The following EXOC6 variants were observed in gnomAD, a reference collection of about 807,000 sequenced individuals.
EXOC6 encodes the protein exocyst complex component 6, also known as SEC15-like 1.
In EXOC6, 60 loss-of-function variants were observed where a neutral mutation model predicts 112.5. That is an observed-to-expected ratio of 0.53 (90% CI 0.43 to 0.66). EXOC6 has a LOEUF of 0.66. EXOC6 is among the 30% of genes least tolerant of loss of function. The pLI, the probability that EXOC6 is intolerant of heterozygous loss-of-function variation, is 0.00. For missense variants in EXOC6, 855 were observed against 957.1 expected, an observed-to-expected ratio of 0.89 and a Z score of 1.41; for synonymous variants, 295 against 308.0, an observed-to-expected ratio of 0.96 and a Z score of 0.44.
At chr10:92,889,746 T>C (rs1849403341) in intron 1 of EXOC6, among the ~76,000 whole-genome samples, 1 of 152,140 alleles carries the variant, frequency 6.6e-6, no homozygotes, top group South Asian at 2.1e-4. Flanking sequence ...TGTTCTTTTT[T>C]TTTTTCTTTC....
At chr10:92,828,397 G>A (rs972232253) in intron 1 of EXOC6, among the ~76,000 whole-genome samples, 2 of 152,132 alleles carry the variant, frequency 1.3e-5, no homozygotes, top group Non-Finnish European at 2.9e-5. Flanking sequence ...GCAGTGGTGC[G>A]ATCTTGGCTC....
chr10:92,911,624 G>A (rs1197148553), intron 6 of EXOC6, among the ~76,000 whole-genome samples: 1 of 152,112 alleles, frequency 6.6e-6, no homozygotes, highest in Non-Finnish European at 1.5e-5. Flanking sequence ...GGAGAGAATA[G>A]ACTCTCTTGG....
intron 20 of EXOC6, among the ~76,000 whole-genome samples, chr10:93,040,327 C>G (rs1274053868): frequency 1.3e-5 from 2 of 152,186 alleles, no homozygotes; most frequent in Non-Finnish European, 2.9e-5. Flanking sequence ...CGGCTCACTG[C>G]AAGCTCCGCC....
intron 19 of EXOC6, among the ~76,000 whole-genome samples, chr10:93,009,464 A>G (rs1229044914): frequency 6.6e-6 from 1 of 152,202 alleles, no homozygotes; most frequent in Non-Finnish European, 1.5e-5. Flanking sequence ...GTAGAAGTGA[A>G]GTTACCGTCC....
intron 8 of EXOC6, among the ~76,000 whole-genome samples, chr10:92,926,404 A>G (rs1589844934): frequency 6.6e-6 from 1 of 152,034 alleles, no homozygotes; most frequent in South Asian, 2.1e-4. Context: ...AGTTCAAAAG[A>G]AAAATGTAGA....
chr10:93,024,154 T>C (rs1014575062), intron 20 of EXOC6, among the ~76,000 whole-genome samples: 6 of 152,224 alleles, frequency 3.9e-5, no homozygotes, highest in Non-Finnish European at 8.8e-5. Context: ...AAGATATCAT[T>C]ATTTCATTTG....
chr10:92,827,619 G>C (rs1846408556), intron 1 of EXOC6, among the ~76,000 whole-genome samples: 1 of 151,916 alleles, frequency 6.6e-6, no homozygotes, highest in Non-Finnish European at 1.5e-5. Flanking sequence ...CATGTTGGAG[G>C]GGACAGGTGA....
chr10:92,993,102 C>A (rs1209077900), intron 18 of EXOC6, among the ~76,000 whole-genome samples: 1 of 152,068 alleles, frequency 6.6e-6, no homozygotes, highest in African/African-American at 2.4e-5. Flanking sequence ...TTAATGAAGT[C>A]ACTTATCAGT....
At chr10:92,834,915 A>G (rs1353101983) in intron 1 of EXOC6, 4 of 699,910 alleles carry the variant, frequency 5.7e-6, no homozygotes, top group African/African-American at 5.4e-5. Flanking sequence ...AAGAGTAAAA[A>G]ATATTCTTGC....
intron 18 of EXOC6, among the ~76,000 whole-genome samples, chr10:92,992,287 CAAAAAA>C (rs35924745): frequency 5.4e-5 from 4 of 74,238 alleles, no homozygotes; most frequent in Admixed American, 1.8e-4. Context: ...GACTCTGTCT[CAAAAAA>C]AAAAAAAAAA....
Position 92,974,181 on chromosome 10 carries a change from G to C in EXOC6, c.1902G>C (p.Met634Ile), listed in dbSNP as rs199656453. The C allele has an allele frequency of 1.6e-4, 252 of 1,586,608 alleles. No individual in the cohort carries two copies. Among genetic ancestry groups the C allele is most frequent in the Non-Finnish European group, 2.1e-4 (241 of 1,173,764 alleles). The change falls in exon 18 of 22, where the codon ATG (methionine) becomes ATC (isoleucine). Residue 634 changes from methionine to isoleucine, a missense_variant. Transcript: ENST00000260762. The stretch of plus-strand genomic sequence containing the variant: ...ATGGAAGAGCTAGTGGTTATTTAAT[G>C]GACCTTATAAATTTTTTGAGAAGCA... Reference protein sequence around the residue: ...EPDGRASGYLMDLINFLRSIF... With the variant: ...EPDGRASGYLIDLINFLRSIF...
intron 6 of EXOC6, among the ~76,000 whole-genome samples, chr10:92,913,991 T>C (rs1028660593): frequency 6.6e-6 from 1 of 152,214 alleles, no homozygotes; most frequent in Non-Finnish European, 1.5e-5. Context: ...ATTTTCCATA[T>C]AATGTTCTCT....
chr10:92,989,810 G>T (rs752071855), intron 18 of EXOC6, among the ~76,000 whole-genome samples: 1 of 152,242 alleles, frequency 6.6e-6, no homozygotes, highest in Non-Finnish European at 1.5e-5. Flanking sequence ...GGCAGGGACA[G>T]ATAATGGGAT....
chr10:92,997,374 G>A (rs1843541062), intron 18 of EXOC6, 100 bp from the exon 19 acceptor site: 1 of 1,127,588 alleles, frequency 8.9e-7, no homozygotes, highest in African/African-American at 1.6e-5. Flanking sequence ...CCAAGCATAA[G>A]CAACAAAAAG....
At position 92,934,312 on chromosome 10, in the gene EXOC6, T is replaced by A. The variant is rs1429975220; in HGVS notation, c.1022T>A (p.Phe341Tyr). The A allele has an allele frequency of 1.3e-6, 2 of 1,578,890 alleles. No homozygotes were observed. Among genetic ancestry groups the A allele is most frequent in the African/African-American group, 1.4e-5 (1 of 72,566 alleles). Residue 341 changes from phenylalanine (F) to tyrosine (Y), a missense_variant and splice_region_variant, in exon 11 of 22, where the codon TTC becomes TAC. By Grantham distance (22) the Phe-to-Tyr change is conservative (BLOSUM62 3). Around this residue, in one of 2 missense-constraint regions of EXOC6, gnomAD observed 450 missense variants for 563.5 expected, o/e 0.80. Coordinates refer to ENST00000260762, the MANE Select transcript of EXOC6 (RefSeq NM_019053.6). ...YRRYFTQIVG[F>Y]FVVEDHILHV... is the part of the protein sequence containing the mutation. ...GCTTTGGTAATTACTGTTTTTAGGT[T>A]CTTTGTGGTAGAAGATCACATTTTA...
chr10:92,983,116 C>A (rs10882136), intron 18 of EXOC6, among the ~76,000 whole-genome samples: 47 of 152,112 alleles, frequency 3.1e-4, no homozygotes, highest in African/African-American at 8.0e-4. Flanking sequence ...TCCAATTAAC[C>A]GCTATTGTGA....
intron 9 of EXOC6, among the ~76,000 whole-genome samples, chr10:92,931,298 A>G (rs1170063297): frequency 2.0e-5 from 3 of 151,828 alleles, no homozygotes; most frequent in East Asian, 3.9e-4. Context: ...TTTTTAGTGT[A>G]GTACTGAGTT....
intron 1 of EXOC6, among the ~76,000 whole-genome samples, chr10:92,869,123 C>T (rs1322343276): frequency 3.3e-5 from 5 of 152,020 alleles, no homozygotes; most frequent in South Asian, 4.2e-4. Context: ...GATGGTCATA[C>T]GATTGTTTTG....
intron 20 of EXOC6, among the ~76,000 whole-genome samples, chr10:93,055,585 G>A (rs1846500150): frequency 6.6e-6 from 1 of 152,100 alleles, no homozygotes; most frequent in South Asian, 2.1e-4. Flanking sequence ...TGAAAGGAGG[G>A]AAAAATGTGG....
Sources: gnomAD v4.1 joint callset for allele counts (sites outside exome capture counted in the v4.1 genomes callset) on GRCh38, gnomAD v4.1.1 for gene constraint, gnomAD v4.1.1 regional missense constraint, MANE v1.5 for transcripts, NCBI Gene and HGNC (gene_info 2026-07-23, HGNC 2026-07-21) for gene names.